HMCN2: variants seen among roughly 807,000 people sequenced by gnomAD.
HMCN2 encodes the protein hemicentin-2.
In HMCN2, 325 loss-of-function variants were observed where a neutral mutation model predicts 377.5. The observed-to-expected ratio is 0.86, with a 90% CI of 0.79 to 0.94. The LOEUF is 0.94. Among genes scored for constraint, HMCN2 ranks in the 40% least tolerant of loss-of-function variants. The pLI is 0.00. For synonymous variants in HMCN2, 2,007 were observed against 2,046.8 expected, an observed-to-expected ratio of 0.98 and a Z score of 0.53; for missense variants, 4,543 against 4,725.3, an observed-to-expected ratio of 0.96 and a Z score of 1.13.
chr9:130,352,511 A>G lies in HMCN2; in HGVS notation c.4586-416A>G, dbSNP rs113885339. Among the ~76,000 whole-genome samples the G allele has an allele frequency of 1.7e-3, 253 of 152,324 alleles. 3 individuals are homozygous for G. Among genetic ancestry groups the G allele is most frequent in the Middle Eastern group, 6.8e-3 (2 of 294 alleles). On this transcript the variant is annotated intron_variant, in intron 30 of 97. Transcript: ENST00000683500. ...TTCCATTCTGAGATGCAGTTATTTC[A>G]TGCTGTGCCCATGTGCCCCTAGCAT...
rs1193625442 is a variant in HMCN2, at chr9:130,372,364, C to T, written c.7308C>T (p.Asn2436=). 8.1e-6 allele frequency: 8 copies of T among 985,762 alleles called. No homozygotes were observed. Among genetic ancestry groups the T allele is most frequent in the South Asian group, 9.4e-5 (2 of 21,292 alleles). 61.1% of individuals were successfully genotyped at this position (985,762 alleles called of 1,614,324 possible). A position where few individuals can be genotyped will look rare whatever the true frequency, so the allele number is the denominator to read the frequency against. ...GCCTCTACTCATGCCTGGCAAGCAA[C>T]GAGGCTGGGGAGGCACGGAGGAACT... The part of the protein sequence containing the change: ...DSGLYSCLAS[N]EAGEARRNFS... Residue 2436 remains asparagine, a synonymous_variant, in exon 47 of 98, where the codon AAC becomes AAT. Transcript: ENST00000683500.
chr9:130,349,560 G>C lies in HMCN2; in HGVS notation c.4327G>C (p.Gly1443Arg). 22 of 1,303,272 alleles carry C rather than the reference G, an allele frequency of 1.7e-5. No individual in the cohort carries two copies. Among genetic ancestry groups the C allele is most frequent in the Non-Finnish European group, 2.2e-5 (22 of 988,800 alleles). 80.7% of individuals were successfully genotyped at this position (1,303,272 alleles called of 1,614,324 possible). ...AGCCCCTCCTTCCGTGCTTGGAGCC[G>C]GGGCCGCTCAGGAGGTGCTAGGATT... ...VLTPPSVLGA[G>R]AAQEVLGLAG... The change falls in exon 29 of 98, where the codon GGG becomes CGG. Residue 1443 changes from glycine to arginine, a missense_variant. Gly to Arg is a moderately radical substitution (Grantham distance 125). Around this residue, in one of 5 missense-constraint regions of HMCN2, gnomAD observed 1,032 missense variants for 1,285.1 expected, o/e 0.80. Transcript: ENST00000683500.
Position 130,278,129 on chromosome 9 carries a change from G to T in HMCN2, c.260-6474G>T, listed in dbSNP as rs375439766. ...GTTTTTTTGTTTGTTTGGTTGGTTG[G>T]TTGGTTTTTTTTTGAGACGCAGTCT... On this transcript the variant is annotated intron_variant, in intron 1 of 97. Coordinates refer to ENST00000683500, the MANE Select transcript of HMCN2 (RefSeq NM_001291815.2). Among the ~76,000 whole-genome samples, 798 of 151,770 alleles carry T rather than the reference G, an allele frequency of 5.3e-3. 13 individuals are homozygous for T. The highest frequency in any genetic ancestry group is 0.018 in the African/African-American group (722 of 41,238).
intron 13 of HMCN2, 39 bp downstream of exon 13, chr9:130,306,977 C>T (rs1836900622): frequency 4.6e-6 from 2 of 436,736 alleles, no homozygotes; most frequent in Non-Finnish European, 4.9e-6. Flanking sequence ...GGAGAAGGGC[C>T]TCCTTCCCTC....
intron 26 of HMCN2, chr9:130,348,191 C>T (rs1839492468): frequency 5.0e-6 from 2 of 403,096 alleles, no homozygotes; most frequent in African/African-American, 2.2e-5. Context: ...GTTACAAAAG[C>T]GTGGCCAGGC....
At chr9:130,336,296 A>C (rs1052262000) in intron 22 of HMCN2, among the ~76,000 whole-genome samples, 1 of 152,216 alleles carries the variant, frequency 6.6e-6, no homozygotes, top group Non-Finnish European at 1.5e-5. Context: ...GATGCTATTT[A>C]TATCGTGATA....
At chr9:130,281,126 T>C (rs1307925553) in intron 1 of HMCN2, among the ~76,000 whole-genome samples, 1 of 151,650 alleles carries the variant, frequency 6.6e-6, no homozygotes, top group Non-Finnish European at 1.5e-5. Context: ...TACAGGCAGT[T>C]GTGCCCCTTC....
intron 29 of HMCN2, among the ~76,000 whole-genome samples, chr9:130,349,963 T>C (rs1205026798): frequency 9.4e-6 from 1 of 106,442 alleles, no homozygotes; most frequent in Admixed American, 1.3e-4. Context: ...AGTGGAACGA[T>C]CTCAGCTCAC....
At position 130,355,749 on chromosome 9, in the gene HMCN2, C is replaced by T. The variant is rs1405405667; in HGVS notation, c.5150C>T (p.Pro1717Leu). 4 of 1,302,388 alleles carry T rather than the reference C, an allele frequency of 3.1e-6. No homozygotes were observed. The highest frequency in any genetic ancestry group is 5.5e-5 in the East Asian group (1 of 18,038). The allele number at this position is 1,302,388 out of a possible 1,614,324, so 80.7% of individuals were successfully genotyped here. A position where few individuals can be genotyped will look rare whatever the true frequency, so the allele number is the denominator to read the frequency against. ...VLQYSVEVQVPPQLLVAEGLG... is the reference protein window; with the variant it reads ...VLQYSVEVQVLPQLLVAEGLG... ...CAGGAGTGTGTTCTGCCTGCAGTGC[C>T]CCCACAGCTCCTGGTGGCTGAAGGC... is the stretch of plus-strand genomic sequence containing the variant. The change falls in exon 33 of 98, where the codon CCC (proline) becomes CTC (leucine). Residue 1717 changes from proline (P) to leucine (L), a missense_variant. Around this residue, in one of 5 missense-constraint regions of HMCN2, gnomAD observed 1,032 missense variants for 1,285.1 expected, o/e 0.80. Coordinates refer to ENST00000683500, the MANE Select transcript of HMCN2 (RefSeq NM_001291815.2).
intron 14 of HMCN2, among the ~76,000 whole-genome samples, chr9:130,309,480 A>C (rs1346545992): frequency 7.1e-6 from 1 of 141,026 alleles, no homozygotes; most frequent in African/African-American, 2.7e-5. Context: ...ATGCCACAGC[A>C]CTCCAGCCTA....
At chr9:130,367,774 C>T (rs910800560) in intron 43 of HMCN2, among the ~76,000 whole-genome samples, 2 of 151,786 alleles carry the variant, frequency 1.3e-5, no homozygotes, top group Non-Finnish European at 2.9e-5. Flanking sequence ...CACCCCGTCT[C>T]TACTAAAAAA....
At position 130,351,366 on chromosome 9, in the gene HMCN2, C is replaced by T. The variant is rs1184964090; in HGVS notation, c.4431-57C>T. 1.6e-6 allele frequency: 2 copies of T among 1,239,072 alleles called. No homozygotes were observed. Among genetic ancestry groups the T allele is most frequent in the Non-Finnish European group, 2.1e-6 (2 of 943,500 alleles). The allele number at this position is 1,239,072 out of a possible 1,614,324, so 76.8% of individuals were successfully genotyped here. ...CAAGCCACACACTCCCTGTGTGCAG[C>T]GTGTCCCATCCAGCCCCTCGGCCTT... is the stretch of plus-strand genomic sequence containing the variant. On this transcript the variant is annotated intron_variant, in intron 29 of 97. Transcript: ENST00000683500. This position sits in a 1 kb window ranked among gnomAD's most constrained non-coding sequence, Gnocchi z 5.4.
chr9:130,394,050 G>A lies in HMCN2; in HGVS notation c.10501+42G>A. ...CTGGCCAGCTTCTCTGGGCTCGGGG[G>A]AGAGGGTGGGACTCTAGGGGCAATG... is the stretch of plus-strand genomic sequence containing the variant. On this transcript the variant is annotated intron_variant, in intron 68 of 97. Transcript: ENST00000683500. The surrounding 1 kb of genome is among the most constrained non-coding windows in gnomAD (Gnocchi z 5.1). 2 of 1,202,364 alleles carry A rather than the reference G, an allele frequency of 1.7e-6. No individual in the cohort carries two copies. The highest frequency in any genetic ancestry group is 3.8e-4 in the Middle Eastern group (1 of 2,648). The allele number at this position is 1,202,364 out of a possible 1,614,324, so 74.5% of individuals were successfully genotyped here.
In HMCN2 at chr9:130,432,562, G is replaced by A; in HGVS notation, c.14894+7G>A. On this transcript the variant is annotated splice_region_variant and intron_variant, in intron 97 of 97. Transcript: ENST00000683500. ...GGCAGGGCCCCAGCCCTGGGTAAGG[G>A]CTGAGTTGGCAGGGCCTCGTGCCCT... The A allele has an allele frequency of 6.5e-7, 1 of 1,549,342 alleles. No homozygotes were observed.
intron 30 of HMCN2, among the ~76,000 whole-genome samples, chr9:130,352,379 C>T (rs888157570): frequency 2.0e-5 from 3 of 152,202 alleles, no homozygotes; most frequent in East Asian, 1.9e-4. Context: ...TGCTAAAAAG[C>T]GGAGAGTAGA....
rs991830821 is a variant in HMCN2, at chr9:130,391,028, G to C, written c.9575G>C (p.Ser3192Thr). 1.3e-5 allele frequency: 13 copies of C among 987,698 alleles called. No homozygotes were observed. Among genetic ancestry groups the C allele is most frequent in the Non-Finnish European group, 1.6e-5 (13 of 830,272 alleles). 61.2% of individuals were successfully genotyped at this position (987,698 alleles called of 1,614,324 possible). ...VVSRGGRLQL[S>T]RLQPAQAGTY... is the part of the protein sequence containing the mutation. Reference sequence around the variant, plus strand: ...TCCCGGGGGGGCCGCCTCCAGCTGAGCCGCCTGCAACCGGCCCAGGCGGGC... The same window carrying C: ...TCCCGGGGGGGCCGCCTCCAGCTGACCCGCCTGCAACCGGCCCAGGCGGGC... Residue 3192 changes from serine (S) to threonine (T), a missense_variant, in exon 63 of 98, where the codon AGC (serine) becomes ACC (threonine). Physicochemically the swap from Ser to Thr is moderately conservative, Grantham distance 58 (BLOSUM62 1). Transcript: ENST00000683500.
rs1299342824 is a variant in HMCN2 at position 130,303,425 on chromosome 9, C to CG, written c.1422-55dup. 14 of 367,214 alleles carry CG rather than the reference C, an allele frequency of 3.8e-5. No homozygotes were observed. Among genetic ancestry groups the CG allele is most frequent in the East Asian group, 9.6e-5 (1 of 10,376 alleles). 22.7% of individuals were successfully genotyped at this position (367,214 alleles called of 1,614,324 possible). On this transcript the variant is annotated intron_variant, in intron 9 of 97. Transcript: ENST00000683500. This position sits in a 1 kb window ranked among gnomAD's most constrained non-coding sequence, Gnocchi z 5.2. ...TGGGCAGGATTCAGGGGACTGAAGT[C>CG]GGGGGGGACCCTGAGTGGGGGTCAG...
At chr9:130,349,231 G>A in intron 28 of HMCN2, 100 bp downstream of exon 28, 2 of 1,173,178 alleles carry the variant, frequency 1.7e-6, no homozygotes, top group Non-Finnish European at 2.2e-6. Flanking sequence ...TGCCTGCGGA[G>A]AGCAGGGGGC....
Position 130,365,734 on chromosome 9 carries a change from G to T in HMCN2, c.6505+7G>T, listed in dbSNP as rs1840656913. The T allele has an allele frequency of 9.1e-6, 9 of 985,174 alleles. No individual in the cohort carries two copies. The South Asian group carries it at 4.2e-4, about 46-fold the overall frequency. The allele number at this position is 985,174 out of a possible 1,614,324, so 61.0% of individuals were successfully genotyped here. A position where few individuals can be genotyped will look rare whatever the true frequency, so the allele number is the denominator to read the frequency against. The stretch of plus-strand genomic sequence containing the variant: ...TACAATCTGAACGTCTGGGGTGAGG[G>T]TCTCCCAGGCTGGGCAGGGGGAGGG... On this transcript the variant is annotated splice_region_variant and intron_variant, in intron 42 of 97. Coordinates refer to ENST00000683500, the MANE Select transcript of HMCN2 (RefSeq NM_001291815.2).
Sources: gnomAD v4.1 joint callset for allele counts (sites outside exome capture counted in the v4.1 genomes callset) on GRCh38, gnomAD v4.1.1 for gene constraint, gnomAD v4.1.1 regional missense constraint, Gnocchi (gnomAD v3.1) non-coding constraint, MANE v1.5 for transcripts, NCBI Gene and HGNC (gene_info 2026-07-23, HGNC 2026-07-21) for gene names.